Variants in TLE6 observed in about 807,000 individuals in gnomAD.
The protein encoded by TLE6 is TLE family member 6, subcortical maternal complex member, also known as transducin-like enhancer protein 6.
A neutral mutation model predicts 77.1 loss-of-function variants in TLE6; 72 were observed. That is an observed-to-expected ratio of 0.93 (90% confidence interval 0.77 to 1.14). TLE6 has a LOEUF of 1.14. Among genes scored for constraint, TLE6 ranks in the 50% most tolerant of loss-of-function variants. The probability of loss-of-function intolerance (pLI) is 0.00; values close to 1 mark genes in which losing one functional copy is unlikely to be tolerated. For synonymous variants in TLE6, 366 were observed against 287.3 expected, an observed-to-expected ratio of 1.27 and a Z score of -2.77; for missense variants, 843 against 747.6, an observed-to-expected ratio of 1.13 and a Z score of -1.49.
chr19:2,991,405 C>T (rs1404937496), intron 13 of TLE6, among the ~76,000 whole-genome samples: 14 of 146,158 alleles, frequency 9.6e-5, no homozygotes, highest in South Asian at 2.2e-4. Flanking sequence ...TACACACACA[C>T]ACACACACAC....
chr19:2,989,607 C>G lies in TLE6; in HGVS notation c.1066C>G (p.Leu356Val). ...GAGCCTGCTCACCGGTGGCTACAAC[C>G]TGGCCAGCGTGAGCGTGTGGGACCT... is the stretch of plus-strand genomic sequence containing the variant. ...SRSLLTGGYN[L>V]ASVSVWDLAA... Residue 356 changes from leucine to valine, a missense_variant, in exon 13 of 17, where the codon CTG (leucine) becomes GTG (valine). Coordinates refer to ENST00000246112, the MANE Select transcript of TLE6 (RefSeq NM_001143986.2). The G allele has an allele frequency of 6.2e-7, 1 of 1,614,088 alleles. No individual in the cohort carries two copies. The highest frequency in any genetic ancestry group is 8.5e-7 in the Non-Finnish European group (1 of 1,180,018).
rs1191233915 is a variant in TLE6, at chr19:2,989,721, G to A, written c.1180G>A (p.Ala394Thr). ...GGATGCCAACCTGGATGCCAACCTG[G>A]CCTTCGCCAGCTTCACCAGTGGTGT... ...ALDANLDANL[A>T]FASFTSGVVR... is the part of the protein sequence containing the mutation. The change falls in exon 13 of 17, where the codon GCC becomes ACC. Residue 394 changes from alanine to threonine, a missense_variant. By Grantham distance (58) the Ala-to-Thr change is moderately conservative (BLOSUM62 0). Coordinates refer to ENST00000246112, the MANE Select transcript of TLE6 (RefSeq NM_001143986.2). The A allele has an allele frequency of 6.2e-7, 1 of 1,614,228 alleles. No individual in the cohort carries two copies. The highest frequency in any genetic ancestry group is 1.1e-5 in the South Asian group (1 of 91,088).
intron 15 of TLE6, among the ~76,000 whole-genome samples, chr19:2,993,783 C>T (rs2089141344): frequency 6.6e-6 from 1 of 152,014 alleles, no homozygotes; most frequent in Non-Finnish European, 1.5e-5. Flanking sequence ...CCACCCGCCC[C>T]ACCGGCGCGG....
At chr19:2,986,416 CA>C (rs561952548) in intron 5 of TLE6, among the ~76,000 whole-genome samples, 3,129 of 146,530 alleles carry the variant, frequency 0.021, 60 homozygotes, top group Non-Finnish European at 0.031. Context: ...ATCTTATCTG[CA>C]AAAAAGTAGA....
At chr19:2,987,453 G>T in intron 8 of TLE6, 81 bp downstream of exon 8, 1 of 1,583,070 alleles carries the variant, frequency 6.3e-7, no homozygotes, top group Non-Finnish European at 8.7e-7. Flanking sequence ...GGGCACTGGG[G>T]TTCCTGTGGG....
At position 2,989,554 on chromosome 19, in the gene TLE6, G is replaced by T; in HGVS notation, c.1013G>T (p.Arg338Leu). The change falls in exon 13 of 17, where the codon CGC (arginine) becomes CTC (leucine). Residue 338 changes from arginine to leucine, a missense_variant. Arg to Leu is a moderately radical substitution (Grantham distance 102). Transcript: ENST00000246112. ...TCCCAGACCCCTGGGGCCTTCCTGC[G>T]CACCTGCCTGCTGTCCTCAAACAGC... ...LPIQTPGAFL[R>L]TCLLSSNSRS... is the part of the protein sequence containing the mutation. 1 of 1,612,528 alleles carries T rather than the reference G, an allele frequency of 6.2e-7. No homozygotes were observed. The highest frequency in any genetic ancestry group is 8.5e-7 in the Non-Finnish European group (1 of 1,179,778).
intron 15 of TLE6, among the ~76,000 whole-genome samples, chr19:2,993,812 C>T (rs559232896): frequency 1.3e-5 from 2 of 151,994 alleles, no homozygotes; most frequent in South Asian, 2.1e-4. Flanking sequence ...CGCCCTTCCC[C>T]CTTCAGCCAC....
intron 8 of TLE6, 81 bp downstream of exon 8, chr19:2,987,453 G>A: frequency 3.2e-6 from 5 of 1,583,070 alleles, no homozygotes; most frequent in Non-Finnish European, 4.3e-6. Context: ...GGGCACTGGG[G>A]TTCCTGTGGG....
Position 2,994,011 on chromosome 19 carries a change from T to G in TLE6, c.1538-8T>G. ...TTCTAAGTCTCGCTGATGCTCCATT[T>G]CTCCCAGGCCAGTGGTGGGCAAGCG... On this transcript the variant is annotated splice_polypyrimidine_tract_variant and splice_region_variant and intron_variant, in intron 15 of 16. Coordinates refer to ENST00000246112, the MANE Select transcript of TLE6 (RefSeq NM_001143986.2). The G allele has an allele frequency of 6.2e-7, 1 of 1,601,554 alleles. No homozygotes were observed. The highest frequency in any genetic ancestry group is 8.5e-7 in the Non-Finnish European group (1 of 1,175,120).
At position 2,982,987 on chromosome 19, in the gene TLE6, C is replaced by T. The variant is rs934643386; in HGVS notation, c.222+798C>T. On this transcript the variant is annotated intron_variant, in intron 5 of 16. Transcript: ENST00000246112. ...GGCGCCCGGGCTCCCATCTCCCAGC[C>T]CAGGGCGCCTGGCCCAAGCAGAAGT... Among the ~76,000 whole-genome samples, 4 of 152,160 alleles carry T rather than the reference C, an allele frequency of 2.6e-5. No individual in the cohort carries two copies. The East Asian group carries it at 7.8e-4, about 29-fold the overall frequency.
At chr19:2,984,727 C>T (rs1257002200) in intron 5 of TLE6, among the ~76,000 whole-genome samples, 3 of 152,108 alleles carry the variant, frequency 2.0e-5, no homozygotes, top group Non-Finnish European at 2.9e-5. Flanking sequence ...CTCAGCCTCT[C>T]AAAGTGCTGG....
chr19:2,988,282 G>A (rs575701833), intron 11 of TLE6, among the ~76,000 whole-genome samples, 154 bp downstream of exon 11: 6 of 152,266 alleles, frequency 3.9e-5, no homozygotes, highest in South Asian at 2.1e-4. Context: ...TCCAACAGCC[G>A]CTGCAGAGGC....
intron 15 of TLE6, among the ~76,000 whole-genome samples, 180 bp downstream of exon 15, chr19:2,993,762 G>T (rs558105996): frequency 6.6e-6 from 1 of 151,948 alleles, no homozygotes; most frequent in East Asian, 1.9e-4. Context: ...GGGTGCCTGG[G>T]CCCTTCCTCC....
intron 13 of TLE6, among the ~76,000 whole-genome samples, chr19:2,991,141 A>T (rs112428048): frequency 6.6e-6 from 1 of 151,556 alleles, no homozygotes; most frequent in Non-Finnish European, 1.5e-5. Flanking sequence ...AGGCGGGCAG[A>T]TCACCTGAGG....
chr19:2,982,534 T>TC (rs2088819671), intron 5 of TLE6, among the ~76,000 whole-genome samples: 1 of 83,938 alleles, frequency 1.2e-5, no homozygotes. Flanking sequence ...AGACTCTGTC[T>TC]CAAAAAAAAA....
intron 5 of TLE6, among the ~76,000 whole-genome samples, chr19:2,985,830 C>G (rs1186624196): frequency 6.6e-6 from 1 of 150,978 alleles, no homozygotes; most frequent in Non-Finnish European, 1.5e-5. Flanking sequence ...AATCCCAGCA[C>G]TTTGGGAGGC....
chr19:2,994,325 G>C (rs904861888), intron 16 of TLE6, among the ~76,000 whole-genome samples: 2 of 151,908 alleles, frequency 1.3e-5, no homozygotes, highest in Non-Finnish European at 2.9e-5. Flanking sequence ...AAAATAATTA[G>C]CTGAGCCGGG....
intron 16 of TLE6, 143 bp from the exon 17 acceptor site, chr19:2,994,757 T>C (rs1014655330): frequency 6.0e-6 from 3 of 498,532 alleles, no homozygotes; most frequent in African/African-American, 1.9e-5. Context: ...CAAGCTGAGA[T>C]TGCACCACTG....
chr19:2,988,162 T>C (rs993750665), intron 11 of TLE6, 34 bp downstream of exon 11: 48 of 1,548,934 alleles, frequency 3.1e-5, no homozygotes, highest in Non-Finnish European at 4.2e-5. Flanking sequence ...TTGGGCGGGG[T>C]GAGGGGCAGC....
Sources: allele counts gnomAD v4.1 joint callset (sites outside exome capture counted in the v4.1 genomes callset), GRCh38; gene constraint gnomAD v4.1.1; transcripts MANE v1.5; gene names NCBI Gene and HGNC (gene_info 2026-07-23, HGNC 2026-07-21).